The following SLC7A7 variants were observed in gnomAD, a reference collection of about 807,000 sequenced individuals.
SLC7A7 encodes the protein solute carrier family 7 member 7.
In SLC7A7, 39 loss-of-function variants were observed where a neutral mutation model predicts 47.9. The ratio of observed to expected loss-of-function variants is 0.81; its 90% CI spans 0.63 to 1.06. SLC7A7 has a LOEUF of 1.06. Ranked by LOEUF, SLC7A7 falls within the 50% of genes least tolerant of loss-of-function variation. The pLI is 0.00. For missense variants in SLC7A7, 588 were observed against 632.0 expected (o/e 0.93, Z 0.75); for synonymous variants, 234 against 242.8 (o/e 0.96, Z 0.34).
At position 22,808,803 on chromosome 14, in the gene SLC7A7, TA is replaced by T. The variant is rs576214615; in HGVS notation, c.499+4096del. On this transcript the variant is annotated intron_variant, in intron 2 of 9. Transcript: ENST00000674313. ...GATAGAACAAAGTCCAGATATTATC[TA>T]TGCAGTAATATTTCATTTATCTAAC... 8.3e-4 allele frequency among the ~76,000 whole-genome samples: 126 copies of T among 152,298 alleles called. 1 individual carries two copies. The highest frequency in any genetic ancestry group is 4.8e-4 in the Non-Finnish European group (33 of 68,046).
chr14:22,780,519 C>G (rs2038700835), intron 2 of SLC7A7: 1 of 168,306 alleles, frequency 5.9e-6, no homozygotes, highest in African/African-American at 2.4e-5. Flanking sequence ...GCTGAGCCAG[C>G]AGGTCAGGCT....
At chr14:22,802,894 C>T (rs2039139990) in intron 2 of SLC7A7, among the ~76,000 whole-genome samples, 1 of 151,916 alleles carries the variant, frequency 6.6e-6, no homozygotes, top group Non-Finnish European at 1.5e-5. Flanking sequence ...CCCCCATGCA[C>T]CCCCACACCC....
chr14:22,812,789 A>G (rs1594984794), intron 2 of SLC7A7, 111 bp downstream of exon 2: 2 of 707,682 alleles, frequency 2.8e-6, no homozygotes, highest in East Asian at 2.9e-5. Flanking sequence ...ATATATATAT[A>G]TATGTTGTCA....
At chr14:22,774,163 A>G in intron 8 of SLC7A7, 47 bp from the exon 9 acceptor site, 1 of 1,609,278 alleles carries the variant, frequency 6.2e-7, no homozygotes, top group East Asian at 2.2e-5. Context: ...CAGGATTCTT[A>G]ACAGCTAAAA....
At chr14:22,775,092 G>GAC (rs60658611) in intron 7 of SLC7A7, among the ~76,000 whole-genome samples, 47,006 of 151,512 alleles carry the variant, frequency 0.31, 7,494 homozygotes, top group Admixed American at 0.45. Context: ...TGGATTTTAA[G>GAC]ACACACACAC....
intron 4 of SLC7A7, among the ~76,000 whole-genome samples, chr14:22,777,689 C>T (rs1285496914): frequency 2.6e-5 from 4 of 152,228 alleles, no homozygotes; most frequent in Non-Finnish European, 2.9e-5. Context: ...GTTCCCATAG[C>T]GTTACCACTA....
chr14:22,810,959 C>G (rs1044907414), intron 2 of SLC7A7, among the ~76,000 whole-genome samples: 5 of 152,094 alleles, frequency 3.3e-5, no homozygotes, highest in African/African-American at 1.2e-4. Context: ...GCCTGGGCAA[C>G]AAGAGTGAAA....
chr14:22,786,726 G>C (rs2038824201), intron 2 of SLC7A7, among the ~76,000 whole-genome samples: 1 of 152,102 alleles, frequency 6.6e-6, no homozygotes, highest in Non-Finnish European at 1.5e-5. Context: ...TTGAGTCCAG[G>C]AGTTCAAGAC....
At chr14:22,810,127 G>A (rs969075443) in intron 2 of SLC7A7, among the ~76,000 whole-genome samples, 1 of 150,792 alleles carries the variant, frequency 6.6e-6, no homozygotes, top group Non-Finnish European at 1.5e-5. Context: ...CAGAATCGAG[G>A]AACAAGAGCT....
intron 4 of SLC7A7, among the ~76,000 whole-genome samples, chr14:22,777,889 C>T (rs1393799069): frequency 6.6e-6 from 1 of 152,194 alleles, no homozygotes; most frequent in Non-Finnish European, 1.5e-5. Context: ...GCCTGGCCAA[C>T]ATGGTGAAAC....
chr14:22,785,312 T>C (rs933758203), intron 2 of SLC7A7, among the ~76,000 whole-genome samples: 6 of 152,114 alleles, frequency 3.9e-5, no homozygotes, highest in Non-Finnish European at 5.9e-5. Context: ...TCTATAGCTC[T>C]TCCTTTTACT....
intron 2 of SLC7A7, among the ~76,000 whole-genome samples, chr14:22,787,763 AT>A (rs1055209505): frequency 1.6e-4 from 24 of 150,638 alleles, no homozygotes; most frequent in Non-Finnish European, 1.2e-4. Flanking sequence ...CTCAAAAAAA[AT>A]TTTTTTAATA....
intron 9 of SLC7A7, 102 bp downstream of exon 9, chr14:22,773,831 A>G: frequency 1.9e-6 from 3 of 1,563,406 alleles, no homozygotes; most frequent in Non-Finnish European, 2.6e-6. Context: ...AGGGTTCATA[A>G]GAAGGGGCTA....
upstream of SLC7A7, chr14:22,815,455 T>C (rs1051529726): frequency 2.0e-5 from 9 of 454,264 alleles, no homozygotes; most frequent in Non-Finnish European, 3.5e-5. Context: ...CAAATGCCTA[T>C]GGATTTAAGC....
Position 22,775,538 on chromosome 14 carries a change from A to G in SLC7A7, c.1001T>C (p.Leu334Pro). 6.2e-7 allele frequency: 1 copy of G among 1,614,046 alleles called. No individual in the cohort carries two copies. The highest frequency in any genetic ancestry group is 2.2e-5 in the East Asian group (1 of 44,878). The change falls in exon 7 of 10, where the codon CTT becomes CCT. Residue 334 changes from leucine to proline, a missense_variant and splice_region_variant. Physicochemically the swap from Leu to Pro is moderately conservative, Grantham distance 98 (BLOSUM62 -3). Transcript: ENST00000674313. ...LNASIVAASR[L>P]FFVGSREGHL... is the part of the protein sequence containing the mutation. ...GCCTTCTCTTGAGCCCACAAAGAAAAGCCTATGTTAGGTAAGATAGGAGAA... is the reference window on the plus strand; with the variant it reads ...GCCTTCTCTTGAGCCCACAAAGAAAGGCCTATGTTAGGTAAGATAGGAGAA...
intron 2 of SLC7A7, among the ~76,000 whole-genome samples, chr14:22,800,842 G>C (rs1282191128): frequency 6.6e-6 from 1 of 152,114 alleles, no homozygotes. Flanking sequence ...AGGAGGCTGA[G>C]GAAGGAGAAT....
rs112991211 is a variant in SLC7A7 at position 22,802,427 on chromosome 14, C to A, written c.499+10473G>T. ...CAAAACAACAACAACAACAACCAAACAAACAAACAAAAAAAATATTTATCA... is the reference window on the plus strand; with the variant it reads ...CAAAACAACAACAACAACAACCAAAAAAACAAACAAAAAAAATATTTATCA... On this transcript the variant is annotated intron_variant, in intron 2 of 9. Coordinates refer to ENST00000674313, the MANE Select transcript of SLC7A7 (RefSeq NM_003982.4). Among the ~76,000 whole-genome samples the A allele has an allele frequency of 6.1e-4, 29 of 47,292 alleles. 2 individuals carry two copies. Among genetic ancestry groups the A allele is most frequent in the Admixed American group, 8.0e-4 (3 of 3,738 alleles). The allele number at this position is 47,292 out of a possible 152,430, so 31.0% of individuals were successfully genotyped here.
chr14:22,802,218 C>T (rs2139438211), intron 2 of SLC7A7, among the ~76,000 whole-genome samples: 1 of 152,240 alleles, frequency 6.6e-6, no homozygotes, highest in East Asian at 1.9e-4. Context: ...GCCTGGCCAA[C>T]ATGGTGAAAC....
chr14:22,817,593 G>A (rs1205734781), upstream of SLC7A7, among the ~76,000 whole-genome samples: 2 of 152,066 alleles, frequency 1.3e-5, no homozygotes, highest in African/African-American at 4.8e-5. Flanking sequence ...CGCCCACCTC[G>A]GCCTCCCAAA....
Sources: gnomAD v4.1 joint callset for allele counts (sites outside exome capture counted in the v4.1 genomes callset) on GRCh38, gnomAD v4.1.1 for gene constraint, MANE v1.5 for transcripts, NCBI Gene and HGNC (gene_info 2026-07-23, HGNC 2026-07-21) for gene names.